Variants in BABAM2 observed in about 807,000 individuals in gnomAD.
BABAM2 encodes the protein BRISC and BRCA1 A complex member 2.
BABAM2 carries 31 observed loss-of-function variants against 54.7 expected under a neutral mutation model. That is an observed-to-expected ratio of 0.57 (90% CI 0.43 to 0.77). The LOEUF (loss-of-function observed/expected upper bound fraction) is 0.77. BABAM2 is among the 30% of genes least tolerant of loss of function. The probability of loss-of-function intolerance (pLI) is 0.00; values close to 1 mark genes in which losing one functional copy is unlikely to be tolerated. For synonymous variants in BABAM2, 167 were observed against 162.9 expected, an observed-to-expected ratio of 1.03 and a Z score of -0.19; for missense variants, 364 against 455.8, an observed-to-expected ratio of 0.80 and a Z score of 1.83.
intron 7 of BABAM2, among the ~76,000 whole-genome samples, chr2:28,160,077 G>T (rs1230163313): frequency 2.6e-5 from 4 of 152,062 alleles, no homozygotes; most frequent in Non-Finnish European, 5.9e-5. Flanking sequence ...AAACTCCTGG[G>T]CTCAAGTGAT....
intron 3 of BABAM2, among the ~76,000 whole-genome samples, chr2:27,931,066 C>T (rs1668056741): frequency 2.0e-5 from 3 of 152,170 alleles, no homozygotes; most frequent in Middle Eastern, 3.2e-3. Flanking sequence ...TCTGTAGAAT[C>T]ACTTGATACT....
intron 5 of BABAM2, among the ~76,000 whole-genome samples, chr2:28,026,959 A>T (rs1323796861): frequency 5.4e-4 from 5 of 9,298 alleles, no homozygotes; most frequent in Admixed American, 2.1e-3. Flanking sequence ...AATATATATA[A>T]ATATATATAT....
intron 10 of BABAM2, among the ~76,000 whole-genome samples, chr2:28,289,723 G>A (rs1291363164): frequency 2.0e-5 from 3 of 152,116 alleles, no homozygotes; most frequent in African/African-American, 4.8e-5. Context: ...GCTGGAAGGC[G>A]GAGGTTGCAG....
chr2:28,115,487 G>A (rs189717348), intron 6 of BABAM2, among the ~76,000 whole-genome samples: 75 of 152,082 alleles, frequency 4.9e-4, no homozygotes, highest in Middle Eastern at 3.4e-3. Context: ...TTATCCAGGC[G>A]TGGTGGCGGG....
chr2:28,090,852 T>C (rs936561480), intron 6 of BABAM2, among the ~76,000 whole-genome samples: 3 of 152,220 alleles, frequency 2.0e-5, no homozygotes, highest in African/African-American at 7.2e-5. Flanking sequence ...GTGTAAACTT[T>C]AGTAAATTAA....
intron 2 of BABAM2, among the ~76,000 whole-genome samples, chr2:27,905,960 T>A (rs1666159471): frequency 6.6e-6 from 1 of 152,232 alleles, no homozygotes; most frequent in African/African-American, 2.4e-5. Flanking sequence ...TTTTAGCAGA[T>A]AGAACTTAAG....
At position 28,304,432 on chromosome 2, in the gene BABAM2, T is replaced by A. The variant is rs1688350916; in HGVS notation, c.1088+5941T>A. Among the ~76,000 whole-genome samples the A allele has an allele frequency of 6.6e-6, 1 of 150,532 alleles. No homozygotes were observed. The highest frequency in any genetic ancestry group is 2.1e-4 in the South Asian group (1 of 4,828). On this transcript the variant is annotated intron_variant, in intron 11 of 11. Coordinates refer to ENST00000379624, the MANE Select transcript of BABAM2 (RefSeq NM_199191.3). The surrounding 1 kb of genome is among the most constrained non-coding windows in gnomAD (Gnocchi z 4.0). ...TAAATATATAAAAATATAAACAAAA[T>A]TTTTAAAAATTTATTTTCTAGTTTG...
At chr2:27,967,553 G>T (rs189730429) in intron 3 of BABAM2, among the ~76,000 whole-genome samples, 109 of 152,266 alleles carry the variant, frequency 7.2e-4, no homozygotes, top group African/African-American at 2.5e-3. Context: ...AGTAGAGTGG[G>T]GTGCTGCTGA....
chr2:28,234,798 G>C (rs1040953946), intron 7 of BABAM2, among the ~76,000 whole-genome samples: 1 of 152,182 alleles, frequency 6.6e-6, no homozygotes, highest in African/African-American at 2.4e-5. Context: ...CTTCTGGTTA[G>C]ATGTGTGCCT....
chr2:27,977,367 T>C (rs1671676476), intron 3 of BABAM2, among the ~76,000 whole-genome samples: 1 of 152,190 alleles, frequency 6.6e-6, no homozygotes, highest in Non-Finnish European at 1.5e-5. Context: ...AATCTAAGAA[T>C]ATCATGATGG....
chr2:28,186,954 C>T (rs1178934167), intron 7 of BABAM2, among the ~76,000 whole-genome samples: 1 of 151,956 alleles, frequency 6.6e-6, no homozygotes, highest in African/African-American at 2.4e-5. Context: ...TACAGGCACC[C>T]GCCAACAAGC....
intron 3 of BABAM2, among the ~76,000 whole-genome samples, chr2:27,965,937 T>TATA (rs1670810043): frequency 6.6e-6 from 1 of 152,138 alleles, no homozygotes; most frequent in Non-Finnish European, 1.5e-5. Flanking sequence ...TTCTTCTTTG[T>TATA]TTTATATTTA....
intron 3 of BABAM2, among the ~76,000 whole-genome samples, chr2:27,937,072 C>G (rs751562321): frequency 2.6e-4 from 40 of 151,984 alleles, no homozygotes; most frequent in Non-Finnish European, 3.2e-4. Context: ...ACTGGGAAAC[C>G]AAAAAGTTTA....
chr2:28,121,524 T>C (rs1669067711), intron 6 of BABAM2, among the ~76,000 whole-genome samples: 2 of 152,176 alleles, frequency 1.3e-5, no homozygotes, highest in East Asian at 1.9e-4. Flanking sequence ...CAAATTTTGA[T>C]TGGGGCTGTA....
intron 6 of BABAM2, among the ~76,000 whole-genome samples, chr2:28,085,669 T>C (rs2148681078): frequency 6.6e-6 from 1 of 152,328 alleles, no homozygotes; most frequent in African/African-American, 2.4e-5. Context: ...AGTTTATTTC[T>C]CGTGTGTCAT....
At chr2:27,939,687 C>T (rs1001615147) in intron 3 of BABAM2, among the ~76,000 whole-genome samples, 1 of 152,190 alleles carries the variant, frequency 6.6e-6, no homozygotes, top group Non-Finnish European at 1.5e-5. Context: ...ATATATTTTA[C>T]TCTGCCCTCT....
intron 10 of BABAM2, among the ~76,000 whole-genome samples, chr2:28,260,253 G>C (rs980141822): frequency 7.4e-5 from 11 of 149,246 alleles, no homozygotes; most frequent in Non-Finnish European, 1.5e-4. Context: ...CTTTAAGTAG[G>C]TCTTGAAATC....
At chr2:28,214,865 T>C (rs1679790296) in intron 7 of BABAM2, among the ~76,000 whole-genome samples, 1 of 152,132 alleles carries the variant, frequency 6.6e-6, no homozygotes, top group South Asian at 2.1e-4. Flanking sequence ...AGTGAAATTT[T>C]TCCTGTGACT....
At chr2:28,294,976 C>T (rs1235905972) in intron 10 of BABAM2, among the ~76,000 whole-genome samples, 2 of 152,096 alleles carry the variant, frequency 1.3e-5, no homozygotes, top group Non-Finnish European at 2.9e-5. Context: ...GTAATCAATG[C>T]TTTTTGGGGA....
Sources: gnomAD v4.1 joint callset for allele counts (sites outside exome capture counted in the v4.1 genomes callset) on GRCh38, gnomAD v4.1.1 for gene constraint, Gnocchi (gnomAD v3.1) non-coding constraint, MANE v1.5 for transcripts, NCBI Gene and HGNC (gene_info 2026-07-23, HGNC 2026-07-21) for gene names.